Variants in MGRN1 observed in about 807,000 individuals in gnomAD.
MGRN1 encodes the protein E3 ubiquitin-protein ligase MGRN1.
MGRN1 carries 29 observed loss-of-function variants against 69.2 expected under a neutral mutation model. The observed-to-expected ratio is 0.42, with a 90% CI of 0.31 to 0.57. The LOEUF (loss-of-function observed/expected upper bound fraction) is 0.57. MGRN1 is among the 20% of genes least tolerant of loss of function. MGRN1 has a pLI of 0.15. For missense variants in MGRN1, 998 were observed against 796.2 expected, an observed-to-expected ratio of 1.25 and a Z score of -3.05; for synonymous variants, 470 against 344.2, an observed-to-expected ratio of 1.37 and a Z score of -4.04.
At chr16:4,642,208 G>A (rs1298001625) in intron 1 of MGRN1, among the ~76,000 whole-genome samples, 1 of 150,064 alleles carries the variant, frequency 6.7e-6, no homozygotes, top group Non-Finnish European at 1.5e-5. Flanking sequence ...TCAGCTCGCT[G>A]CAACCTCTGC....
At position 4,632,494 on chromosome 16, in the gene MGRN1, C is replaced by T. The variant is rs570192256; in HGVS notation, c.88+7446C>T. On this transcript the variant is annotated intron_variant, in intron 1 of 16. Coordinates refer to ENST00000262370, the MANE Select transcript of MGRN1 (RefSeq NM_015246.4). Reference sequence around the variant, plus strand: ...CTGCAAGCTCTGCCTCCCGGGTTCACGCCATTCTCCTGTCTCAGCCTCCTG... The same window carrying T: ...CTGCAAGCTCTGCCTCCCGGGTTCATGCCATTCTCCTGTCTCAGCCTCCTG... 1.1e-4 allele frequency among the ~76,000 whole-genome samples: 17 copies of T among 151,744 alleles called. 1 individual carries two copies. The South Asian group carries it at 2.9e-3, about 26-fold the overall frequency.
At chr16:4,684,918 C>T (rs2079274109) in intron 16 of MGRN1, among the ~76,000 whole-genome samples, 1 of 152,364 alleles carries the variant, frequency 6.6e-6, no homozygotes, top group East Asian at 1.9e-4. Flanking sequence ...CCTCCTGAGT[C>T]ACCTGGTGAC....
chr16:4,668,692 A>G lies in MGRN1; in HGVS notation c.726+380A>G, dbSNP rs541271458. On this transcript the variant is annotated intron_variant, in intron 8 of 16. Transcript: ENST00000262370. ...CACATATACATAGACACACTCGTACACATACACACATACACTCACACTCAC... is the reference window on the plus strand; with the variant it reads ...CACATATACATAGACACACTCGTACGCATACACACATACACTCACACTCAC... 1.2e-3 allele frequency among the ~76,000 whole-genome samples: 182 copies of G among 150,814 alleles called. 3 individuals carry two copies. The highest frequency in any genetic ancestry group is 2.1e-4 in the Non-Finnish European group (14 of 67,998).
chr16:4,652,017 G>C lies in MGRN1; in HGVS notation c.262G>C (p.Val88Leu). 1 of 1,614,040 alleles carries C rather than the reference G, an allele frequency of 6.2e-7. No individual in the cohort carries two copies. The highest frequency in any genetic ancestry group is 8.5e-7 in the Non-Finnish European group (1 of 1,179,968). The change falls in exon 3 of 17, where the codon GTG (valine) becomes CTG (leucine). Residue 88 changes from valine (V) to leucine (L), a missense_variant. Val to Leu is a conservative substitution (Grantham distance 32, BLOSUM62 1). Coordinates refer to ENST00000262370, the MANE Select transcript of MGRN1 (RefSeq NM_015246.4). ...HEPVKTLRSL[V>L]NIRKDSLRLV... ...GCCCGTGAAGACGCTGCGGAGCCTG[G>C]TGAACATCCGCAAAGACTCCCTGCG... is the stretch of plus-strand genomic sequence containing the variant.
At position 4,652,026 on chromosome 16, in the gene MGRN1, C is replaced by T. The variant is rs746728642; in HGVS notation, c.271C>T (p.Arg91Cys). The change falls in exon 3 of 17, where the codon CGC becomes TGC. Residue 91 changes from arginine (R) to cysteine (C), a missense_variant. Physicochemically the swap from Arg to Cys is radical, Grantham distance 180 (BLOSUM62 -3). Coordinates refer to ENST00000262370, the MANE Select transcript of MGRN1 (RefSeq NM_015246.4). ...VKTLRSLVNI[R>C]KDSLRLVRYK... ...GACGCTGCGGAGCCTGGTGAACATCCGCAAAGACTCCCTGCGGCTGGTGAG... is the reference window on the plus strand; with the variant it reads ...GACGCTGCGGAGCCTGGTGAACATCTGCAAAGACTCCCTGCGGCTGGTGAG... 16 of 1,613,916 alleles carry T rather than the reference C, an allele frequency of 9.9e-6. No homozygotes were observed. Among genetic ancestry groups the T allele is most frequent in the Admixed American group, 1.7e-5 (1 of 59,988 alleles).
intron 2 of MGRN1, chr16:4,650,959 A>G (rs1051037740): frequency 6.6e-6 from 1 of 152,140 alleles, no homozygotes; most frequent in African/African-American, 2.4e-5. Context: ...AAAAAGAAAA[A>G]TTAGCCGGGT....
intron 4 of MGRN1, among the ~76,000 whole-genome samples, chr16:4,656,882 AAAATAAATAAAT>A (rs57256799): frequency 0.23 from 33,691 of 146,686 alleles, 4,284 homozygotes; most frequent in African/African-American, 0.34. Flanking sequence ...TCTTATCTCA[AAAATAAATAAAT>A]AAATAAATAA....
chr16:4,680,231 C>T (rs552342503), intron 12 of MGRN1, 134 bp downstream of exon 12: 4 of 859,724 alleles, frequency 4.7e-6, no homozygotes, highest in Admixed American at 5.1e-5. Flanking sequence ...TTGCCCAGTC[C>T]CGGCCTCCCT....
At chr16:4,648,854 G>A (rs2078338591) in intron 1 of MGRN1, among the ~76,000 whole-genome samples, 1 of 134,490 alleles carries the variant, frequency 7.4e-6, no homozygotes, top group Non-Finnish European at 1.6e-5. Flanking sequence ...CTCTTCCCGT[G>A]GTCACCCGGC....
chr16:4,672,347 C>T (rs941533294), intron 9 of MGRN1: 1 of 456,568 alleles, frequency 2.2e-6, no homozygotes, highest in African/African-American at 2.0e-5. Flanking sequence ...CACGCCTGGT[C>T]GATGAACTTG....
intron 1 of MGRN1, among the ~76,000 whole-genome samples, chr16:4,628,107 G>A (rs1438315827): frequency 2.8e-5 from 4 of 140,990 alleles, no homozygotes; most frequent in African/African-American, 8.2e-5. Context: ...AGAATTGTGG[G>A]TGGGTGCGGT....
intron 1 of MGRN1, among the ~76,000 whole-genome samples, chr16:4,643,974 G>T (rs13338154): frequency 0.016 from 1,961 of 123,142 alleles, 44 homozygotes; most frequent in African/African-American, 0.087. Flanking sequence ...AGTTTTTTTT[G>T]TTTGTTTGTT....
intron 1 of MGRN1, among the ~76,000 whole-genome samples, chr16:4,642,885 C>T (rs1434750960): frequency 2.0e-5 from 3 of 151,804 alleles, no homozygotes; most frequent in African/African-American, 7.3e-5. Context: ...CTCCCAGGCT[C>T]AAGTGATCCT....
intron 1 of MGRN1, among the ~76,000 whole-genome samples, chr16:4,648,201 C>T (rs1411036726): frequency 6.6e-6 from 1 of 152,218 alleles, no homozygotes; most frequent in African/African-American, 2.4e-5. Context: ...TTGAAATCCA[C>T]AGGTCCCTGC....
intron 16 of MGRN1, chr16:4,688,551 A>C (rs2141995077): frequency 7.9e-7 from 1 of 1,270,240 alleles, no homozygotes. Flanking sequence ...GGGGCTGCAG[A>C]TCTGCTGTGG....
intron 5 of MGRN1, chr16:4,664,252 C>A: frequency 4.3e-6 from 1 of 230,392 alleles, no homozygotes; most frequent in Non-Finnish European, 8.7e-6. Context: ...GGAAACATAC[C>A]TAGACACAGA....
intron 1 of MGRN1, among the ~76,000 whole-genome samples, chr16:4,646,385 T>C (rs2078275286): frequency 6.6e-6 from 1 of 151,446 alleles, no homozygotes; most frequent in African/African-American, 2.4e-5. Flanking sequence ...ATCGTGCCCC[T>C]GCACTCCAAC....
intron 16 of MGRN1, chr16:4,688,504 A>ATCT (rs2079385554): frequency 8.4e-7 from 1 of 1,195,128 alleles, no homozygotes; most frequent in Non-Finnish European, 1.0e-6. Context: ...GGAGGCCCAG[A>ATCT]GGGCATCCAC....
Position 4,668,332 on chromosome 16 carries a change from A to G in MGRN1, c.726+20A>G, listed in dbSNP as rs1171697672. 9 of 1,613,150 alleles carry G rather than the reference A, an allele frequency of 5.6e-6. No homozygotes were observed. The highest frequency in any genetic ancestry group is 6.8e-6 in the Non-Finnish European group (8 of 1,179,362). On this transcript the variant is annotated intron_variant, in intron 8 of 16. Coordinates refer to ENST00000262370, the MANE Select transcript of MGRN1 (RefSeq NM_015246.4). ...CAAATTGTAAGTCATCAGAGGAAAT[A>G]TGACGTGCTTGAATTAAAAGACACA...
Sources: allele counts gnomAD v4.1 joint callset (sites outside exome capture counted in the v4.1 genomes callset), GRCh38; gene constraint gnomAD v4.1.1; transcripts MANE v1.5; gene names NCBI Gene and HGNC (gene_info 2026-07-23, HGNC 2026-07-21).